Variants in SYNE1 observed in about 807,000 individuals in gnomAD.
SYNE1 encodes spectrin repeat containing nuclear envelope protein 1.
SYNE1 carries 616 observed loss-of-function variants against 1,111.0 expected under a neutral mutation model. That is an observed-to-expected ratio of 0.55 (90% CI 0.52 to 0.59). SYNE1 has a LOEUF of 0.59. Among genes scored for constraint, SYNE1 ranks in the 20% least tolerant of loss-of-function variants. The pLI is 0.00. For synonymous variants in SYNE1, 3,855 were observed against 3,825.8 expected (o/e 1.01, Z -0.28); for missense variants, 10,006 against 10,417.0 (o/e 0.96, Z 1.72).
chr6:152,506,524 T>C (rs945058932), intron 8 of SYNE1, among the ~76,000 whole-genome samples: 5 of 151,566 alleles, frequency 3.3e-5, no homozygotes, highest in African/African-American at 1.2e-4. Context: ...TAAGTGTCCA[T>C]TATTATTATT....
In SYNE1 at chr6:152,390,425, C is replaced by T; in HGVS notation, c.8032G>A (p.Glu2678Lys). The T allele has an allele frequency of 6.2e-7, 1 of 1,614,066 alleles. No homozygotes were observed. Among genetic ancestry groups the T allele is most frequent in the Non-Finnish European group, 8.5e-7 (1 of 1,179,990 alleles). The change falls in exon 53 of 146, where the codon GAA becomes AAA. Residue 2678 changes from glutamate to lysine, a missense_variant. Transcript: ENST00000367255. Reference sequence around the variant, plus strand: ...CCAATGGCCATATTCAACTTAACTTCCCCTTCACCTTTCATCAGGAGAATA... The same window carrying T: ...CCAATGGCCATATTCAACTTAACTTTCCCTTCACCTTTCATCAGGAGAATA... Reference protein sequence around the residue: ...QDILLMKGEGEVKLNMAIGKG... With the variant: ...QDILLMKGEGKVKLNMAIGKG...
chr6:152,254,871 C>G lies in SYNE1; in HGVS notation c.19470+9G>C. ...ATGGTCACGTATCCTTTGATAATAT[C>G]TTACTTACCTGGAAATTTAGTATTT... is the stretch of plus-strand genomic sequence containing the variant. On this transcript the variant is annotated intron_variant, in intron 104 of 145. Transcript: ENST00000367255. The G allele has an allele frequency of 6.2e-7, 1 of 1,611,118 alleles. No individual in the cohort carries two copies. The highest frequency in any genetic ancestry group is 1.1e-5 in the South Asian group (1 of 90,768).
At chr6:152,311,629 G>T (rs976339370) in intron 87 of SYNE1, among the ~76,000 whole-genome samples, 2 of 152,308 alleles carry the variant, frequency 1.3e-5, no homozygotes, top group Middle Eastern at 3.4e-3. Flanking sequence ...TGACAGATGA[G>T]GGGGAAGAGG....
chr6:152,330,427 A>G lies in SYNE1; in HGVS notation c.14258T>C (p.Leu4753Pro), dbSNP rs371189077. Reference sequence around the variant, plus strand: ...CCTGTGATATAAGGTGACAAGGTGCAGCATCTTGTCTGGCTGCCAAGGCTG... The same window carrying G: ...CCTGTGATATAAGGTGACAAGGTGCGGCATCTTGTCTGGCTGCCAAGGCTG... Reference protein sequence around the residue: ...TGQPWQPDKMLHLVTLYHRLK... With the variant: ...TGQPWQPDKMPHLVTLYHRLK... The change falls in exon 78 of 146, where the codon CTG (leucine) becomes CCG (proline). Residue 4753 changes from leucine (L) to proline (P), a missense_variant. Physicochemically the swap from Leu to Pro is moderately conservative, Grantham distance 98. This residue lies in a region of SYNE1 where 4,955 missense variants were observed against 5,017.2 expected (regional missense o/e 0.99). Transcript: ENST00000367255. The G allele has an allele frequency of 7.4e-6, 12 of 1,614,032 alleles. No individual in the cohort carries two copies. The African/African-American group carries it at 1.6e-4, about 22-fold the overall frequency.
chr6:152,487,299 G>T (rs2098946254), intron 12 of SYNE1, among the ~76,000 whole-genome samples: 2 of 152,162 alleles, frequency 1.3e-5, no homozygotes, highest in African/African-American at 4.8e-5. Flanking sequence ...AACACGCAGG[G>T]TTTGGTTTTC....
At position 152,425,457 on chromosome 6, in the gene SYNE1, C is replaced by G. The variant is rs1183826305; in HGVS notation, c.5191G>C (p.Asp1731His). 11 of 1,614,166 alleles carry G rather than the reference C, an allele frequency of 6.8e-6. No individual in the cohort carries two copies. Among genetic ancestry groups the G allele is most frequent in the Non-Finnish European group, 9.3e-6 (11 of 1,180,016 alleles). The change falls in exon 39 of 146, where the codon GAT becomes CAT. Residue 1731 changes from aspartate (D) to histidine (H), a missense_variant. Asp to His is a moderately conservative substitution (Grantham distance 81, BLOSUM62 -1). This residue lies in a region of SYNE1 where 1,971 missense variants were observed against 2,084.1 expected (regional missense o/e 0.95). Coordinates refer to ENST00000367255, the MANE Select transcript of SYNE1 (RefSeq NM_182961.4). ...ESLFSVASKD[D>H]VKMMKLHLEQ... ...AAATGTAGTTTCATCATTTTCACAT[C>G]ATCTTTGGAGGCTACTGAGAACAAT...
chr6:152,393,166 G>T (rs1031943209), intron 51 of SYNE1, among the ~76,000 whole-genome samples: 1 of 152,114 alleles, frequency 6.6e-6, no homozygotes, highest in Non-Finnish European at 1.5e-5. Context: ...CGAAAAAGTC[G>T]CAATTATTAG....
chr6:152,499,374 A>G (rs1435403580), intron 10 of SYNE1, among the ~76,000 whole-genome samples: 4 of 152,254 alleles, frequency 2.6e-5, no homozygotes, highest in African/African-American at 9.6e-5. Context: ...GATTAAAAAA[A>G]CCCATGGTGA....
At chr6:152,471,545 T>C in intron 16 of SYNE1, 52 bp downstream of exon 16, 2 of 1,555,784 alleles carry the variant, frequency 1.3e-6, no homozygotes, top group Non-Finnish European at 1.8e-6. Flanking sequence ...CTGAACTGTG[T>C]TGCTAAATCC....
chr6:152,253,878 A>G (rs1350442211), intron 104 of SYNE1, among the ~76,000 whole-genome samples: 1 of 122,982 alleles, frequency 8.1e-6, no homozygotes, highest in Non-Finnish European at 1.6e-5. Flanking sequence ...AAAACTCCAC[A>G]TGAAACTCTT....
intron 87 of SYNE1, among the ~76,000 whole-genome samples, chr6:152,313,934 C>T (rs2095631109): frequency 6.6e-6 from 1 of 152,116 alleles, no homozygotes; most frequent in Non-Finnish European, 1.5e-5. Flanking sequence ...GTCATAGAAA[C>T]CTGGGAATCA....
chr6:152,524,237 T>C (rs1318023291), intron 5 of SYNE1, among the ~76,000 whole-genome samples: 6 of 152,190 alleles, frequency 3.9e-5, no homozygotes, highest in African/African-American at 1.4e-4. Flanking sequence ...ATGACTAGTT[T>C]GTTGGGCTTT....
intron 39 of SYNE1, 100 bp downstream of exon 39, chr6:152,425,281 G>C: frequency 1.6e-6 from 2 of 1,276,994 alleles, no homozygotes; most frequent in Non-Finnish European, 2.2e-6. Context: ...GTGAGTAGTT[G>C]AGTTAAATAA....
chr6:152,130,992 G>C (rs960377332), intron 144 of SYNE1, among the ~76,000 whole-genome samples: 7 of 152,196 alleles, frequency 4.6e-5, no homozygotes, highest in Admixed American at 1.3e-4. Flanking sequence ...AAAACATTAA[G>C]TTGGGATTCT....
At chr6:152,141,493 A>G (rs2058547611) in intron 138 of SYNE1, among the ~76,000 whole-genome samples, 164 bp from the exon 139 acceptor site, 1 of 152,192 alleles carries the variant, frequency 6.6e-6, no homozygotes, top group African/African-American at 2.4e-5. Flanking sequence ...GTGGTGTCTC[A>G]GGCCTGTGAT....
intron 137 of SYNE1, 172 bp downstream of exon 137, chr6:152,147,873 C>A: frequency 1.5e-6 from 1 of 657,340 alleles, no homozygotes. Context: ...TCAACGGCCA[C>A]ACCAAATTTT....
chr6:152,486,744 G>A (rs1260521949), intron 12 of SYNE1, among the ~76,000 whole-genome samples: 1 of 152,082 alleles, frequency 6.6e-6, no homozygotes, highest in Admixed American at 6.5e-5. Flanking sequence ...TTATTGCTTT[G>A]CTAAGTTTGA....
rs186719958 is a variant in SYNE1, at chr6:152,373,117, T to G, written c.9427A>C (p.Ile3143Leu). ...TTTGCAGCTGTAACTTTGGCCTGGATCCCTTTCGCTTTCTCTTTGGTCAGC... is the reference window on the plus strand; with the variant it reads ...TTTGCAGCTGTAACTTTGGCCTGGAGCCCTTTCGCTTTCTCTTTGGTCAGC... ...TLLTKEKAKG[I>L]QAKVTAAKED... The change falls in exon 59 of 146, where the codon ATC (isoleucine) becomes CTC (leucine). Residue 3143 changes from isoleucine to leucine, a missense_variant. This residue lies in a region of SYNE1 where 4,955 missense variants were observed against 5,017.2 expected (regional missense o/e 0.99). Coordinates refer to ENST00000367255, the MANE Select transcript of SYNE1 (RefSeq NM_182961.4). 6.2e-7 allele frequency: 1 copy of G among 1,614,144 alleles called. No homozygotes were observed.
chr6:152,318,278 A>G lies in SYNE1; in HGVS notation c.16390-15T>C, dbSNP rs1373138796. The stretch of plus-strand genomic sequence containing the variant: ...TCTCCCAGCACCTTGATGGTCACCA[A>G]AATGAAAGAACATTAGAGTACAGAA... On this transcript the variant is annotated splice_polypyrimidine_tract_variant and intron_variant, in intron 85 of 145. Transcript: ENST00000367255. The G allele has an allele frequency of 5.6e-6, 9 of 1,614,124 alleles. No homozygotes were observed. Among genetic ancestry groups the G allele is most frequent in the Non-Finnish European group, 5.1e-6 (6 of 1,179,988 alleles).
Sources: allele counts gnomAD v4.1 joint callset (sites outside exome capture counted in the v4.1 genomes callset), GRCh38; gene constraint gnomAD v4.1.1; regional missense constraint gnomAD v4.1.1; transcripts MANE v1.5; gene names NCBI Gene and HGNC (gene_info 2026-07-23, HGNC 2026-07-21).